The following ATP12A variants were observed in gnomAD, a reference collection of about 807,000 sequenced individuals.
The protein encoded by ATP12A is potassium-transporting ATPase alpha chain 2.
A neutral mutation model predicts 111.2 loss-of-function variants in ATP12A; 81 were observed. The ratio of observed to expected loss-of-function variants is 0.73; its 90% CI spans 0.61 to 0.88. The LOEUF (loss-of-function observed/expected upper bound fraction) is 0.88, where lower values mean the gene tolerates loss of function less well. ATP12A is among the 40% of genes least tolerant of loss of function. ATP12A has a pLI of 0.00. For missense variants in ATP12A, 1,196 were observed against 1,313.1 expected, an observed-to-expected ratio of 0.91 and a Z score of 1.38; for synonymous variants, 498 against 499.8, an observed-to-expected ratio of 1.00 and a Z score of 0.05.
chr13:24,695,600 CTTTT>C (rs34227271), intron 11 of ATP12A, among the ~76,000 whole-genome samples: 9,811 of 88,112 alleles, frequency 0.11, 308 homozygotes, highest in Non-Finnish European at 0.15. Context: ...GGGAAGAACT[CTTTT>C]TTTTTTTTTT....
chr13:24,706,953 T>C (rs1875680279), intron 15 of ATP12A, 70 bp from the exon 16 acceptor site: 1 of 1,487,664 alleles, frequency 6.7e-7, no homozygotes, highest in East Asian at 2.3e-5. Flanking sequence ...GGAAGTCTTG[T>C]TGCTCTTGCC....
At chr13:24,686,701 T>TA (rs1874683878) in intron 3 of ATP12A, among the ~76,000 whole-genome samples, 1 of 151,726 alleles carries the variant, frequency 6.6e-6, no homozygotes, top group Non-Finnish European at 1.5e-5. Context: ...ATCGCGCCAC[T>TA]GCCCTCCAGC....
rs1271975754 is a variant in ATP12A, at chr13:24,709,835, G to A, written c.2763+7G>A. 1 of 1,613,770 alleles carries A rather than the reference G, an allele frequency of 6.2e-7. No individual in the cohort carries two copies. The highest frequency in any genetic ancestry group is 8.5e-7 in the Non-Finnish European group (1 of 1,179,764). On this transcript the variant is annotated splice_region_variant and intron_variant, in intron 19 of 22. Transcript: ENST00000381946. ...CAGCTATGGGCAGGAATGGGTGAGT[G>A]GCGGGAGCCCTGCTGCAGAGTCCAC...
chr13:24,692,680 G>T, intron 9 of ATP12A, 53 bp downstream of exon 9: 1 of 1,598,906 alleles, frequency 6.3e-7, no homozygotes, highest in Non-Finnish European at 8.5e-7. Context: ...CCATCCTGGG[G>T]CTGAGCTGAG....
intron 12 of ATP12A, among the ~76,000 whole-genome samples, chr13:24,700,223 G>A (rs1393900907): frequency 2.0e-5 from 3 of 152,160 alleles, no homozygotes; most frequent in African/African-American, 7.2e-5. Flanking sequence ...TCTTGATCTA[G>A]CACTGAACTT....
chr13:24,691,397 A>G, intron 8 of ATP12A, 147 bp downstream of exon 8: 1 of 1,027,422 alleles, frequency 9.7e-7, no homozygotes, highest in Non-Finnish European at 1.4e-6. Flanking sequence ...TTCTGCATAG[A>G]CTGTTCCTTA....
At chr13:24,700,993 A>G in intron 13 of ATP12A, 71 bp downstream of exon 13, 1 of 1,533,640 alleles carries the variant, frequency 6.5e-7, no homozygotes, top group Non-Finnish European at 8.9e-7. Flanking sequence ...TGGTTTTCAT[A>G]GCAGATGGTC....
At chr13:24,686,807 C>A (rs11618732) in intron 3 of ATP12A, among the ~76,000 whole-genome samples, 14,550 of 152,018 alleles carry the variant, frequency 0.096, 783 homozygotes, top group Non-Finnish European at 0.13. Context: ...CAGAGAGACA[C>A]AACCAGCAGG....
rs1391151312 is a variant in ATP12A, at chr13:24,685,485, G to A, written c.228+112G>A. On this transcript the variant is annotated intron_variant, in intron 3 of 22. Coordinates refer to ENST00000381946, the MANE Select transcript of ATP12A (RefSeq NM_001676.7). The surrounding 1 kb of genome is among the most constrained non-coding windows in gnomAD (Gnocchi z 5.5). The stretch of plus-strand genomic sequence containing the variant: ...AGTAGCGGCACCTTTAGGAGGAGGG[G>A]CCCCTGCAGCGCCTTTGAGACTGCA... The A allele has an allele frequency of 6.6e-6, 7 of 1,058,554 alleles. No homozygotes were observed. In the East Asian group the frequency reaches 1.7e-4, roughly 25 times the overall value. The allele number at this position is 1,058,554 out of a possible 1,614,324, so 65.6% of individuals were successfully genotyped here. A position where few individuals can be genotyped will look rare whatever the true frequency, so the allele number is the denominator to read the frequency against.
At chr13:24,683,987 G>C (rs141908632) in intron 2 of ATP12A, among the ~76,000 whole-genome samples, 2 of 152,132 alleles carry the variant, frequency 1.3e-5, no homozygotes, top group East Asian at 1.9e-4. Context: ...GCAGTGACCC[G>C]AGGGGTGGGT....
intron 3 of ATP12A, among the ~76,000 whole-genome samples, chr13:24,687,362 G>T (rs1250049660): frequency 6.6e-6 from 1 of 152,154 alleles, no homozygotes; most frequent in African/African-American, 2.4e-5. Flanking sequence ...TATTTGGGAG[G>T]CTGAGGCAGG....
At chr13:24,709,615 G>A in intron 18 of ATP12A, 68 bp from the exon 19 acceptor site, 1 of 1,598,658 alleles carries the variant, frequency 6.3e-7, no homozygotes, top group Non-Finnish European at 8.6e-7. Flanking sequence ...GGAACCGAGA[G>A]TAGACAGGAT....
intron 1 of ATP12A, 151 bp from the exon 2 acceptor site, chr13:24,681,411 A>T: frequency 1.1e-6 from 1 of 917,338 alleles, no homozygotes; most frequent in East Asian, 2.7e-5. Flanking sequence ...GAGAGACTCC[A>T]CTGTCCGACT....
intron 13 of ATP12A, among the ~76,000 whole-genome samples, chr13:24,701,515 AAAAAAG>A (rs1875395082): frequency 6.6e-6 from 1 of 151,524 alleles, no homozygotes; most frequent in East Asian, 1.9e-4. Context: ...AAAAAAAAAA[AAAAAAG>A]AAAGAAAGAA....
rs775429149 is a variant in ATP12A, at chr13:24,707,143, G to A, written c.2290G>A (p.Val764Ile). 1 of 1,614,178 alleles carries A rather than the reference G, an allele frequency of 6.2e-7. No individual in the cohort carries two copies. The highest frequency in any genetic ancestry group is 8.5e-7 in the Non-Finnish European group (1 of 1,180,018). The change falls in exon 16 of 23, where the codon GTC (valine) becomes ATC (isoleucine). Residue 764 changes from valine (V) to isoleucine (I), a missense_variant. Val to Ile is a conservative substitution (Grantham distance 29, BLOSUM62 3). This residue lies in a region of ATP12A where 1,126 missense variants were observed against 1,228.5 expected (regional missense o/e 0.92). Transcript: ENST00000381946. ...SDAAKNAADM[V>I]LLDDNFASIV... ...TGCAGCCAAAAATGCAGCCGACATG[G>A]TCTTGCTGGACGACAACTTCGCATC...
Position 24,682,640 on chromosome 13 carries a change from A to T in ATP12A, c.168+920A>T, listed in dbSNP as rs185839235. Among the ~76,000 whole-genome samples, 3 of 152,320 alleles carry T rather than the reference A, an allele frequency of 2.0e-5. No homozygotes were observed. The East Asian group carries it at 5.8e-4, about 29-fold the overall frequency. The stretch of plus-strand genomic sequence containing the variant: ...ACTATTTGAGCTGGAACTTCTGAGG[A>T]GGAAAACCAAAGCCCCTAGGCCATG... On this transcript the variant is annotated intron_variant, in intron 2 of 22. Transcript: ENST00000381946.
In ATP12A at chr13:24,709,774, A is replaced by G. The variant is rs757871709; in HGVS notation, c.2709A>G (p.Val903=). 9.9e-6 allele frequency: 16 copies of G among 1,614,146 alleles called. No homozygotes were observed. The Admixed American group carries it at 2.7e-4, about 27-fold the overall frequency. The change falls in exon 19 of 23, where the codon GTA becomes GTG. Residue 903 remains valine (V), a synonymous_variant. Transcript: ENST00000381946. ...FLPRTLINLR[V]EWEKDYVNDL... ...CCCGCACTCTCATTAACCTGCGGGTAGAATGGGAGAAGGACTACGTGAATG... is the reference window on the plus strand; with the variant it reads ...CCCGCACTCTCATTAACCTGCGGGTGGAATGGGAGAAGGACTACGTGAATG...
rs1272409824 is a variant in ATP12A, at chr13:24,685,171, TC to T, written c.169-142del. The T allele has an allele frequency of 1.4e-6, 1 of 730,116 alleles. No individual in the cohort carries two copies. The highest frequency in any genetic ancestry group is 1.7e-5 in the African/African-American group (1 of 57,416). The allele number at this position is 730,116 out of a possible 1,614,324, so 45.2% of individuals were successfully genotyped here. A position where few individuals can be genotyped will look rare whatever the true frequency, so the allele number is the denominator to read the frequency against. On this transcript the variant is annotated intron_variant, in intron 2 of 22. Transcript: ENST00000381946. This position sits in a 1 kb window ranked among gnomAD's most constrained non-coding sequence, Gnocchi z 5.5. ...CTGGGCAGCTGCCTGGCACAGGGGTTCTTTCTCTCCTGTCCCCCACACTCCT... is the reference window on the plus strand; with the variant it reads ...CTGGGCAGCTGCCTGGCACAGGGGTTTTTCTCTCCTGTCCCCCACACTCCT...
rs115927349 is a variant in ATP12A, at chr13:24,698,637, G to A, written c.1513-21G>A. On this transcript the variant is annotated intron_variant, in intron 11 of 22. Transcript: ENST00000381946. ...CGTTTCACCTTTCTGTAAGTAACACGCTCAGTTCATTCCTTCCCAGCTCTC... is the reference window on the plus strand; with the variant it reads ...CGTTTCACCTTTCTGTAAGTAACACACTCAGTTCATTCCTTCCCAGCTCTC... 9.0e-4 allele frequency: 1,441 copies of A among 1,609,580 alleles called. 22 individuals carry two copies. The Admixed American group carries it at 0.02, about 23-fold the overall frequency.
Sources: allele counts gnomAD v4.1 joint callset (sites outside exome capture counted in the v4.1 genomes callset), GRCh38; gene constraint gnomAD v4.1.1; regional missense constraint gnomAD v4.1.1; non-coding constraint Gnocchi (gnomAD v3.1); transcripts MANE v1.5; gene names NCBI Gene and HGNC (gene_info 2026-07-23, HGNC 2026-07-21).